Variants in IQCK observed in about 807,000 individuals in gnomAD.
IQCK encodes IQ domain-containing protein K.
In IQCK, 29 loss-of-function variants were observed where a neutral mutation model predicts 28.1. The observed-to-expected ratio is 1.03, with a 90% confidence interval of 0.77 to 1.41. IQCK has a LOEUF of 1.41. Ranked by LOEUF, IQCK falls within the 40% of genes most tolerant of loss-of-function variation. IQCK has a pLI of 0.00. For missense variants in IQCK, 359 were observed against 314.7 expected (o/e 1.14, Z -1.07); for synonymous variants, 113 against 115.1 (o/e 0.98, Z 0.12).
chr16:19,840,665 C>T (rs1214359370), intron 9 of IQCK, among the ~76,000 whole-genome samples: 1 of 152,166 alleles, frequency 6.6e-6, no homozygotes, highest in Non-Finnish European at 1.5e-5. Context: ...CTGCTATGGT[C>T]TCCATTTTAT....
chr16:19,745,549 A>G (rs200653906), intron 4 of IQCK, among the ~76,000 whole-genome samples: 2 of 152,220 alleles, frequency 1.3e-5, no homozygotes, highest in Admixed American at 1.3e-4. Flanking sequence ...TACTGGGCCC[A>G]GTGCTCCCTT....
intron 1 of IQCK, among the ~76,000 whole-genome samples, chr16:19,723,615 T>C (rs1286320668): frequency 6.6e-6 from 1 of 152,122 alleles, no homozygotes; most frequent in Non-Finnish European, 1.5e-5. Flanking sequence ...TTTTAAAGCA[T>C]GGACTGGGAG....
intron 9 of IQCK, among the ~76,000 whole-genome samples, chr16:19,839,510 C>T (rs2056340758): frequency 6.6e-6 from 1 of 152,092 alleles, no homozygotes; most frequent in African/African-American, 2.4e-5. Context: ...TATGTGACTG[C>T]ACTAGAATGT....
chr16:19,771,813 T>C (rs1411608148), intron 6 of IQCK, among the ~76,000 whole-genome samples: 2 of 152,154 alleles, frequency 1.3e-5, no homozygotes, highest in East Asian at 1.9e-4. Flanking sequence ...TGGTGGGTGC[T>C]GTCACTCACG....
intron 4 of IQCK, among the ~76,000 whole-genome samples, chr16:19,738,326 A>C (rs1436712874): frequency 2.0e-5 from 3 of 152,136 alleles, no homozygotes; most frequent in African/African-American, 7.2e-5. Flanking sequence ...AATTCCCTGG[A>C]GGGGTGAGGA....
intron 9 of IQCK, among the ~76,000 whole-genome samples, chr16:19,835,748 T>A (rs947275858): frequency 9.9e-5 from 15 of 151,852 alleles, no homozygotes; most frequent in Admixed American, 9.9e-4. Context: ...CCACACCCAG[T>A]TAATTTTTGT....
chr16:19,727,108 G>A (rs192753283), intron 1 of IQCK, among the ~76,000 whole-genome samples: 62 of 151,088 alleles, frequency 4.1e-4, no homozygotes, highest in African/African-American at 1.1e-3. Context: ...TCCAGCCTGG[G>A]CGACGGAGCA....
In IQCK at chr16:19,727,358, G is replaced by C. The variant is rs749766385; in HGVS notation, c.182-3072G>C. 2.0e-5 allele frequency among the ~76,000 whole-genome samples: 3 copies of C among 151,986 alleles called. No homozygotes were observed. In the South Asian group the frequency reaches 6.2e-4, roughly 32 times the overall value. On this transcript the variant is annotated intron_variant, in intron 1 of 7. Transcript: ENST00000564186. Reference sequence around the variant, plus strand: ...AATCCTACCACTGGAAGGCCAAGGCGGGCGGATTGCCTGAGCTTAGGAGTT... The same window carrying C: ...AATCCTACCACTGGAAGGCCAAGGCCGGCGGATTGCCTGAGCTTAGGAGTT...
intron 9 of IQCK, among the ~76,000 whole-genome samples, chr16:19,843,136 T>C (rs2056379912): frequency 6.6e-6 from 1 of 152,232 alleles, no homozygotes; most frequent in Admixed American, 6.5e-5. Flanking sequence ...AAGTGGGTGA[T>C]TCTGTCTCAC....
chr16:19,743,965 A>G (rs996165037), intron 4 of IQCK, among the ~76,000 whole-genome samples: 1 of 152,008 alleles, frequency 6.6e-6, no homozygotes, highest in African/African-American at 2.4e-5. Context: ...ACACACATCT[A>G]TTGTGTGGTG....
At chr16:19,775,764 T>C (rs2055382997) in intron 6 of IQCK, among the ~76,000 whole-genome samples, 1 of 150,742 alleles carries the variant, frequency 6.6e-6, no homozygotes, top group African/African-American at 2.4e-5. Flanking sequence ...TTCTCACCTC[T>C]CTTTACAGAG....
intron 4 of IQCK, among the ~76,000 whole-genome samples, chr16:19,738,810 A>G (rs1478009612): frequency 6.6e-6 from 1 of 152,206 alleles, no homozygotes; most frequent in Non-Finnish European, 1.5e-5. Flanking sequence ...TTCGCCATCT[A>G]GAGTCCTTAT....
Position 19,718,448 on chromosome 16 carries a change from G to GA in IQCK, c.143dup (p.Pro49AlafsTer15). On this transcript the variant is annotated frameshift_variant, in exon 1 of 8. Coordinates refer to ENST00000564186, the Ensembl canonical transcript of IQCK. LOFTEE classifies it high-confidence loss of function. ...GCCTGTCTCGTCGTGGCAGGTCACCGAGCCGTCAAGCAAGAATCTGTGGGA... is the reference window on the plus strand; with the variant it reads ...GCCTGTCTCGTCGTGGCAGGTCACCGAAGCCGTCAAGCAAGAATCTGTGGGA... The GA allele has an allele frequency of 6.2e-7, 1 of 1,606,942 alleles. No homozygotes were observed. Among genetic ancestry groups the GA allele is most frequent in the Non-Finnish European group, 8.5e-7 (1 of 1,177,830 alleles).
At chr16:19,811,577 A>G (rs1047525040) in intron 7 of IQCK, among the ~76,000 whole-genome samples, 2 of 152,156 alleles carry the variant, frequency 1.3e-5, no homozygotes, top group South Asian at 2.1e-4. Context: ...TATATCTGGC[A>G]CTGCAAAGAC....
intron 4 of IQCK, chr16:19,761,503 G>C (rs2055142651): frequency 2.3e-6 from 1 of 440,204 alleles, no homozygotes; most frequent in African/African-American, 2.0e-5. Context: ...TTCTTGGGAA[G>C]GATCTCTCCA....
intron 1 of IQCK, among the ~76,000 whole-genome samples, chr16:19,720,844 C>A (rs765101905): frequency 3.3e-5 from 5 of 152,114 alleles, no homozygotes; most frequent in Non-Finnish European, 7.3e-5. Context: ...TGTTGAAACC[C>A]TGTCTCTACT....
chr16:19,830,460 C>T (rs534743983), downstream of IQCK, among the ~76,000 whole-genome samples: 32 of 152,132 alleles, frequency 2.1e-4, no homozygotes, highest in Non-Finnish European at 3.7e-4. Flanking sequence ...GCTGGCTTCC[C>T]GTGCCACCTT....
chr16:19,728,333 C>T (rs1354319896), intron 1 of IQCK, among the ~76,000 whole-genome samples: 1 of 152,128 alleles, frequency 6.6e-6, no homozygotes, highest in Non-Finnish European at 1.5e-5. Context: ...ACTGCAACCT[C>T]CACCTCCCTG....
exon 8 of IQCK, chr16:19,827,184 A>AATAAGAATCAGGCT: frequency 7.5e-7 from 1 of 1,340,018 alleles, no homozygotes; most frequent in Non-Finnish European, 1.1e-6. Flanking sequence ...GAAAAGCCTG[A>AATAAGAATCAGGCT]TTCTTATTCC....
Sources: gnomAD v4.1 joint callset for allele counts (sites outside exome capture counted in the v4.1 genomes callset) on GRCh38, gnomAD v4.1.1 for gene constraint, MANE v1.5 for transcripts, NCBI Gene and HGNC (gene_info 2026-07-23, HGNC 2026-07-21) for gene names.